FRK: variants seen among roughly 807,000 people sequenced by gnomAD.
FRK encodes tyrosine-protein kinase FRK.
A neutral mutation model predicts 56.4 loss-of-function variants in FRK; 51 were observed. That is an observed-to-expected ratio of 0.90 (90% confidence interval 0.72 to 1.14). FRK has a LOEUF of 1.14. Among genes scored for constraint, FRK ranks in the 50% most tolerant of loss-of-function variants. The pLI is 0.00. For synonymous variants in FRK, 245 were observed against 217.9 expected, an observed-to-expected ratio of 1.12 and a Z score of -1.10; for missense variants, 570 against 601.4, an observed-to-expected ratio of 0.95 and a Z score of 0.55.
At chr6:116,017,200 T>A (rs1738383335) in intron 1 of FRK, among the ~76,000 whole-genome samples, 2 of 152,108 alleles carry the variant, frequency 1.3e-5, no homozygotes, top group African/African-American at 2.4e-5. Context: ...GTGTTACTGT[T>A]AAATCAAGCA....
chr6:116,068,738 A>C, the FRK span, among the ~76,000 whole-genome samples: 4 of 152,142 alleles, frequency 2.6e-5, no homozygotes, highest in African/African-American at 9.7e-5. Flanking sequence ...TCTATATTTG[A>C]AAATCCATGA....
chr6:116,058,575 G>A (rs1777482898), intron 1 of FRK, among the ~76,000 whole-genome samples: 2 of 152,120 alleles, frequency 1.3e-5, no homozygotes, highest in Non-Finnish European at 2.9e-5. Context: ...GAACATAAGA[G>A]AATCTCCAAT....
upstream of FRK, among the ~76,000 whole-genome samples, chr6:116,061,709 T>C (rs1344236090): frequency 6.6e-6 from 1 of 152,196 alleles, no homozygotes; most frequent in East Asian, 1.9e-4. Flanking sequence ...GTCTGGCAGA[T>C]CAACGTACGG....
intron 1 of FRK, chr6:116,039,068 G>C: frequency 1.3e-6 from 1 of 767,270 alleles, no homozygotes; most frequent in South Asian, 1.3e-5. Flanking sequence ...TGGGGAGTCA[G>C]ATAAGCTGAT....
intron 2 of FRK, among the ~76,000 whole-genome samples, chr6:116,002,136 T>A (rs2114690769): frequency 6.6e-6 from 1 of 152,330 alleles, no homozygotes; most frequent in South Asian, 2.1e-4. Context: ...ATAGAAAAGT[T>A]TTTTATGTTT....
intron 1 of FRK, among the ~76,000 whole-genome samples, chr6:116,006,180 C>A (rs1472955757): frequency 6.6e-6 from 1 of 151,956 alleles, no homozygotes; most frequent in African/African-American, 2.4e-5. Flanking sequence ...AAGAGAAAGA[C>A]AACACAGTAG....
At chr6:116,006,060 C>T (rs1257146443) in intron 1 of FRK, among the ~76,000 whole-genome samples, 3 of 152,100 alleles carry the variant, frequency 2.0e-5, no homozygotes, top group Admixed American at 6.5e-5. Flanking sequence ...CCAACAAGGT[C>T]ACCATGAAAT....
upstream of FRK, among the ~76,000 whole-genome samples, chr6:116,063,513 C>T (rs1247241867): frequency 1.3e-5 from 2 of 150,714 alleles, no homozygotes; most frequent in Non-Finnish European, 3.0e-5. Flanking sequence ...AAAAAAAATC[C>T]AACACATAGA....
At chr6:116,039,095 C>A in intron 1 of FRK, 1 of 791,960 alleles carries the variant, frequency 1.3e-6, no homozygotes, top group Non-Finnish European at 2.3e-6. Context: ...GAAAGTGGCC[C>A]ATGCTCTGGC....
chr6:116,079,504 G>C, the FRK span, among the ~76,000 whole-genome samples: 1 of 151,200 alleles, frequency 6.6e-6, no homozygotes, highest in South Asian at 2.1e-4. Flanking sequence ...CACTATCTTA[G>C]TTGTGTCTTT....
the FRK span, among the ~76,000 whole-genome samples, chr6:116,075,642 C>T: frequency 6.6e-6 from 1 of 152,100 alleles, no homozygotes; most frequent in Admixed American, 6.6e-5. Context: ...GAGACCTAGA[C>T]CTCAGTCTTT....
At chr6:115,988,351 T>C (rs1173883726) in intron 2 of FRK, among the ~76,000 whole-genome samples, 2 of 152,038 alleles carry the variant, frequency 1.3e-5, no homozygotes, top group Admixed American at 6.6e-5. Context: ...AAAAACTAGG[T>C]GCCTAAACCA....
chr6:115,978,899 C>T (rs1774088604), intron 2 of FRK, among the ~76,000 whole-genome samples: 1 of 151,706 alleles, frequency 6.6e-6, no homozygotes, highest in South Asian at 2.1e-4. Flanking sequence ...AAAAAATGAA[C>T]AAAATTATCT....
chr6:116,099,389 T>C, the FRK span, among the ~76,000 whole-genome samples: 1 of 152,256 alleles, frequency 6.6e-6, no homozygotes. Flanking sequence ...CAATGTGGCA[T>C]GCACCTGGAA....
Position 115,934,075 on chromosome 6 carries a change from T to G in FRK, c.*8339A>C, listed in dbSNP as rs2114487050. On this transcript the variant is annotated 3_prime_UTR_variant, in exon 8 of 8. Coordinates refer to ENST00000606080, the MANE Select transcript of FRK (RefSeq NM_002031.3). ...ACTCAACATACCCGCATGTATATATTTAGAGAGAGAGAAAGGAGGGAGATG... is the reference window on the plus strand; with the variant it reads ...ACTCAACATACCCGCATGTATATATGTAGAGAGAGAGAAAGGAGGGAGATG... The G allele has an allele frequency of 6.6e-6, 1 of 152,098 alleles. No homozygotes were observed. Among genetic ancestry groups the G allele is most frequent in the Non-Finnish European group, 1.5e-5 (1 of 67,992 alleles). 9.4% of individuals were successfully genotyped at this position (152,098 alleles called of 1,614,324 possible).
At chr6:116,085,411 T>C in the FRK span, among the ~76,000 whole-genome samples, 1 of 152,236 alleles carries the variant, frequency 6.6e-6, no homozygotes, top group Admixed American at 6.5e-5. Flanking sequence ...TTTGCTTCTC[T>C]TTTTTGTTGT....
At chr6:115,987,476 A>G (rs964195215) in intron 2 of FRK, among the ~76,000 whole-genome samples, 1 of 152,158 alleles carries the variant, frequency 6.6e-6, no homozygotes, top group African/African-American at 2.4e-5. Context: ...GATTTCTTAC[A>G]AATTGAAGAC....
chr6:115,946,320 C>T (rs1279653705), intron 5 of FRK, among the ~76,000 whole-genome samples: 1 of 152,134 alleles, frequency 6.6e-6, no homozygotes. Flanking sequence ...AGCAGCTTAA[C>T]ATTCCTATGC....
At chr6:116,025,178 A>T (rs1157113298) in intron 1 of FRK, among the ~76,000 whole-genome samples, 7 of 152,128 alleles carry the variant, frequency 4.6e-5, no homozygotes, top group Non-Finnish European at 4.4e-5. Flanking sequence ...GATCTGTCAA[A>T]AGATACCACA....
Sources: allele counts gnomAD v4.1 joint callset (sites outside exome capture counted in the v4.1 genomes callset), GRCh38; gene constraint gnomAD v4.1.1; transcripts MANE v1.5; gene names NCBI Gene and HGNC (gene_info 2026-07-23, HGNC 2026-07-21).